The following DISC1 variants were observed in gnomAD, a reference collection of about 807,000 sequenced individuals.
DISC1 encodes the protein disrupted in schizophrenia 1 protein.
Under a neutral mutation model 84.5 loss-of-function variants are expected in DISC1, and 57 were observed. That is an observed-to-expected ratio of 0.67 (90% confidence interval 0.55 to 0.84). The LOEUF is 0.84. DISC1 is among the 40% of genes least tolerant of loss of function. DISC1 has a pLI of 0.00. For missense variants in DISC1, 1,000 were observed against 1,057.8 expected (o/e 0.95, Z 0.76); for synonymous variants, 411 against 415.2 (o/e 0.99, Z 0.12).
chr1:231,990,372 C>G (rs1161725086), intron 10 of DISC1, among the ~76,000 whole-genome samples: 2 of 151,826 alleles, frequency 1.3e-5, no homozygotes, highest in Non-Finnish European at 2.9e-5. Flanking sequence ...GCCAAGAGTC[C>G]CCCTGCTCAT....
At chr1:231,701,848 G>T in intron 2 of DISC1, 107 bp from the exon 3 acceptor site, 2 of 907,244 alleles carry the variant, frequency 2.2e-6, no homozygotes, top group Non-Finnish European at 1.6e-6. Context: ...AAAAGAGAAT[G>T]AAGAAGTTCA....
intron 10 of DISC1, among the ~76,000 whole-genome samples, chr1:232,001,705 C>G (rs1666715079): frequency 6.6e-6 from 1 of 152,014 alleles, no homozygotes; most frequent in South Asian, 2.1e-4. Flanking sequence ...TGAACTCAAA[C>G]TAAGTCTCAT....
chr1:231,715,340 A>G (rs201429854), intron 3 of DISC1, among the ~76,000 whole-genome samples: 1 of 152,224 alleles, frequency 6.6e-6, no homozygotes, highest in Non-Finnish European at 1.5e-5. Context: ...GGGATGTTAA[A>G]AATGCATAAA....
intron 8 of DISC1, among the ~76,000 whole-genome samples, chr1:231,817,475 G>A (rs989667900): frequency 6.6e-6 from 1 of 152,154 alleles, no homozygotes; most frequent in African/African-American, 2.4e-5. Context: ...ATGAATCAAT[G>A]TGGGGAAAAT....
chr1:231,703,904 T>A (rs557963266), intron 3 of DISC1, among the ~76,000 whole-genome samples: 1 of 152,294 alleles, frequency 6.6e-6, no homozygotes, highest in African/African-American at 2.4e-5. Flanking sequence ...GAGAAAACAC[T>A]GGTGCAGAGT....
intron 10 of DISC1, among the ~76,000 whole-genome samples, chr1:231,960,159 C>T (rs1192755114): frequency 6.6e-6 from 1 of 152,116 alleles, no homozygotes; most frequent in Non-Finnish European, 1.5e-5. Context: ...GTACCTACCT[C>T]CCCAGCTGGT....
At chr1:231,657,263 T>C (rs2061179627) in intron 1 of DISC1, among the ~76,000 whole-genome samples, 1 of 152,206 alleles carries the variant, frequency 6.6e-6, no homozygotes, top group Non-Finnish European at 1.5e-5. Context: ...TGTAAAAGCA[T>C]TTCTTTTTCT....
chr1:231,708,136 A>G (rs1453784174), intron 3 of DISC1, among the ~76,000 whole-genome samples: 1 of 152,206 alleles, frequency 6.6e-6, no homozygotes, highest in African/African-American at 2.4e-5. Context: ...TGGATTAAGG[A>G]ATACCTTGAA....
chr1:231,960,048 T>C (rs1174987185), intron 10 of DISC1, among the ~76,000 whole-genome samples: 1 of 152,174 alleles, frequency 6.6e-6, no homozygotes, highest in African/African-American at 2.4e-5. Context: ...CCCATTTAAA[T>C]TGCAGCTCTC....
intron 9 of DISC1, among the ~76,000 whole-genome samples, chr1:231,865,840 T>C (rs1329148756): frequency 6.6e-6 from 1 of 152,138 alleles, no homozygotes; most frequent in Non-Finnish European, 1.5e-5. Flanking sequence ...AGCTTTGGAG[T>C]TGGATATTAT....
intron 6 of DISC1, among the ~76,000 whole-genome samples, chr1:231,784,935 C>T (rs1297752151): frequency 6.6e-6 from 1 of 152,170 alleles, no homozygotes; most frequent in East Asian, 1.9e-4. Flanking sequence ...TGTAGAATGG[C>T]TTGCTTCTGA....
intron 3 of DISC1, among the ~76,000 whole-genome samples, chr1:231,748,267 G>A (rs1243345529): frequency 6.6e-6 from 1 of 152,144 alleles, no homozygotes; most frequent in Non-Finnish European, 1.5e-5. Context: ...GACTTCCAGT[G>A]CTATGTTGAA....
chr1:231,772,088 C>A (rs1018386163), intron 6 of DISC1, among the ~76,000 whole-genome samples: 22 of 151,614 alleles, frequency 1.5e-4, no homozygotes, highest in African/African-American at 5.3e-4. Context: ...GAGCTGGGAC[C>A]ACAGGCTTGG....
chr1:231,645,306 C>T (rs1050969074), intron 1 of DISC1, among the ~76,000 whole-genome samples: 1 of 152,050 alleles, frequency 6.6e-6, no homozygotes, highest in Non-Finnish European at 1.5e-5. Flanking sequence ...GATTTCAAAG[C>T]CTGGCCATAG....
At chr1:231,797,740 A>G (rs569876504) in intron 7 of DISC1, among the ~76,000 whole-genome samples, 1 of 152,298 alleles carries the variant, frequency 6.6e-6, no homozygotes, top group East Asian at 1.9e-4. Flanking sequence ...ATACATTTAT[A>G]AAACTTTATA....
intron 1 of DISC1, among the ~76,000 whole-genome samples, chr1:231,663,406 T>C (rs912737121): frequency 1.3e-5 from 2 of 152,230 alleles, no homozygotes; most frequent in African/African-American, 4.8e-5. Flanking sequence ...CCAGCCTCTC[T>C]CATGATTTCC....
intron 12 of DISC1, among the ~76,000 whole-genome samples, chr1:232,035,012 T>C (rs941626736): frequency 6.6e-6 from 1 of 152,144 alleles, no homozygotes; most frequent in Non-Finnish European, 1.5e-5. Context: ...TAGCAGTAAA[T>C]GCATGTAAAT....
intron 12 of DISC1, among the ~76,000 whole-genome samples, chr1:232,028,903 G>T (rs1166938723): frequency 2.0e-5 from 3 of 152,210 alleles, no homozygotes; most frequent in African/African-American, 7.2e-5. Context: ...AATGGATAGG[G>T]ATTATTATCC....
At chr1:232,035,486 C>T (rs1378158487) in intron 12 of DISC1, among the ~76,000 whole-genome samples, 2 of 152,092 alleles carry the variant, frequency 1.3e-5, no homozygotes, top group African/African-American at 2.4e-5. Context: ...CACAGTGGTT[C>T]GTAAGGGTGT....
Sources: gnomAD v4.1 joint callset for allele counts (sites outside exome capture counted in the v4.1 genomes callset) on GRCh38, gnomAD v4.1.1 for gene constraint, MANE v1.5 for transcripts, NCBI Gene and HGNC (gene_info 2026-07-23, HGNC 2026-07-21) for gene names.